GATB: variants seen among roughly 807,000 people sequenced by gnomAD.
The protein encoded by GATB is glutamyl-tRNA(Gln) amidotransferase subunit B, mitochondrial.
In GATB, 39 loss-of-function variants were observed where a neutral mutation model predicts 62.3. That is an observed-to-expected ratio of 0.63 (90% CI 0.48 to 0.82). The LOEUF (loss-of-function observed/expected upper bound fraction) is 0.82. Ranked by LOEUF, GATB falls within the 40% of genes least tolerant of loss-of-function variation. GATB has a pLI of 0.00. For missense variants in GATB, 670 were observed against 684.0 expected, an observed-to-expected ratio of 0.98 and a Z score of 0.23; for synonymous variants, 276 against 258.9, an observed-to-expected ratio of 1.07 and a Z score of -0.63.
intron 12 of GATB, 151 bp from the exon 13 acceptor site, chr4:151,671,453 G>GC: frequency 1.4e-6 from 1 of 728,054 alleles, no homozygotes; most frequent in Non-Finnish European, 2.2e-6. Context: ...AAGGGGAGGG[G>GC]CCTCACTTCT....
chr4:151,717,919 G>A (rs141809463), intron 3 of GATB, among the ~76,000 whole-genome samples: 1,712 of 152,280 alleles, frequency 0.011, 11 homozygotes, highest in Non-Finnish European at 0.018. Context: ...GGAACAAGGC[G>A]TGGAGGGATT....
intron 5 of GATB, among the ~76,000 whole-genome samples, chr4:151,712,965 G>A (rs558060998): frequency 1.3e-5 from 2 of 152,300 alleles, no homozygotes; most frequent in East Asian, 3.9e-4. Context: ...AGAGAGACAA[G>A]CTTCATCTGT....
intron 9 of GATB, among the ~76,000 whole-genome samples, chr4:151,695,581 A>C (rs1203967754): frequency 6.6e-6 from 1 of 152,004 alleles, no homozygotes; most frequent in East Asian, 1.9e-4. Context: ...CCCACCGACG[A>C]GCTTCAGATC....
At chr4:151,759,782 G>A (rs535000836) in intron 1 of GATB, among the ~76,000 whole-genome samples, 1 of 151,600 alleles carries the variant, frequency 6.6e-6, no homozygotes, top group East Asian at 1.9e-4. Context: ...AAGTAATTTT[G>A]TGTATATACA....
intron 4 of GATB, 73 bp from the exon 5 acceptor site, chr4:151,716,204 T>G: frequency 6.5e-7 from 1 of 1,537,796 alleles, no homozygotes; most frequent in South Asian, 1.3e-5. Flanking sequence ...GGCCTAAGTT[T>G]CAGGAAAACC....
intron 1 of GATB, among the ~76,000 whole-genome samples, chr4:151,760,151 T>C (rs368534592): frequency 6.6e-6 from 1 of 152,136 alleles, no homozygotes; most frequent in African/African-American, 2.4e-5. Context: ...ATAAACAAAA[T>C]ATTAGAAACT....
intron 2 of GATB, among the ~76,000 whole-genome samples, chr4:151,746,461 C>T (rs1739595578): frequency 1.3e-5 from 2 of 152,118 alleles, no homozygotes; most frequent in Admixed American, 1.3e-4. Flanking sequence ...ACCTAAGATC[C>T]TGTCTATAGA....
At chr4:151,750,317 GCTGTCT>G (rs1560866682) in intron 2 of GATB, among the ~76,000 whole-genome samples, 1 of 152,192 alleles carries the variant, frequency 6.6e-6, no homozygotes, top group African/African-American at 2.4e-5. Context: ...AGATCTTTGA[GCTGTCT>G]CGTTTGGTAT....
chr4:151,688,718 T>C lies in GATB; in HGVS notation c.1243A>G (p.Thr415Ala). The change falls in exon 10 of 13, where the codon ACT becomes GCT. Residue 415 changes from threonine (T) to alanine (A), a missense_variant. By Grantham distance (58) the Thr-to-Ala change is moderately conservative. Coordinates refer to ENST00000263985, the MANE Select transcript of GATB (RefSeq NM_004564.3). The stretch of plus-strand genomic sequence containing the variant: ...GTCACCTTTTTTGGCTCTGCCCTAG[T>C]TTCTTTTATCACATTTTGGAAGAAC... ...LEFFQNVIKETRAEPKKVTSW... is the reference protein window; with the variant it reads ...LEFFQNVIKEARAEPKKVTSW... 6.2e-7 allele frequency: 1 copy of C among 1,612,692 alleles called. No individual in the cohort carries two copies.
chr4:151,748,471 G>A (rs1739648895), intron 2 of GATB, among the ~76,000 whole-genome samples: 1 of 152,200 alleles, frequency 6.6e-6, no homozygotes, highest in Admixed American at 6.5e-5. Flanking sequence ...GTAGAAAGCT[G>A]AAACTGGATC....
At chr4:151,742,951 A>G (rs1252988086) in intron 2 of GATB, among the ~76,000 whole-genome samples, 3 of 152,254 alleles carry the variant, frequency 2.0e-5, no homozygotes, top group African/African-American at 7.2e-5. Context: ...AGAAATAAAG[A>G]ACTGAATACA....
At chr4:151,701,090 A>G (rs1738591815) in intron 9 of GATB, among the ~76,000 whole-genome samples, 1 of 152,248 alleles carries the variant, frequency 6.6e-6, no homozygotes, top group South Asian at 2.1e-4. Context: ...ATTTCTACAC[A>G]GAAGAAATGA....
intron 9 of GATB, among the ~76,000 whole-genome samples, chr4:151,694,950 T>C (rs1445393211): frequency 2.0e-5 from 3 of 152,218 alleles, no homozygotes; most frequent in Non-Finnish European, 4.4e-5. Context: ...TTCCATGATG[T>C]CAGAAACAAA....
chr4:151,756,658 C>G (rs1739836521), intron 2 of GATB, among the ~76,000 whole-genome samples: 1 of 152,196 alleles, frequency 6.6e-6, no homozygotes, highest in African/African-American at 2.4e-5. Context: ...AAGCCAAGCT[C>G]TCAACACTCA....
At chr4:151,698,807 A>C (rs1156398982) in intron 9 of GATB, among the ~76,000 whole-genome samples, 2 of 152,172 alleles carry the variant, frequency 1.3e-5, no homozygotes, top group Non-Finnish European at 2.9e-5. Flanking sequence ...CATTATCTGC[A>C]AGCCATAAAA....
chr4:151,689,797 A>G (rs10009423), intron 9 of GATB, among the ~76,000 whole-genome samples: 22,341 of 152,168 alleles, frequency 0.15, 1,940 homozygotes, highest in African/African-American at 0.25. Context: ...AACTGCCACA[A>G]CTATGCATAC....
intron 2 of GATB, among the ~76,000 whole-genome samples, chr4:151,746,826 C>G (rs1232543763): frequency 1.3e-5 from 2 of 152,058 alleles, no homozygotes; most frequent in Non-Finnish European, 2.9e-5. Context: ...AGGCAGGAGG[C>G]AGAAATGAAG....
chr4:151,708,769 G>A (rs905038083), intron 5 of GATB, among the ~76,000 whole-genome samples: 3 of 152,192 alleles, frequency 2.0e-5, no homozygotes, highest in Admixed American at 6.5e-5. Context: ...GGAGTCTGTG[G>A]TGGGACTCAG....
chr4:151,693,884 G>C (rs1738417915), intron 9 of GATB, among the ~76,000 whole-genome samples: 1 of 152,172 alleles, frequency 6.6e-6, no homozygotes, highest in African/African-American at 2.4e-5. Flanking sequence ...GTAACTCCAG[G>C]GGAGATGCTG....
Sources: gnomAD v4.1 joint callset for allele counts (sites outside exome capture counted in the v4.1 genomes callset) on GRCh38, gnomAD v4.1.1 for gene constraint, MANE v1.5 for transcripts, NCBI Gene and HGNC (gene_info 2026-07-23, HGNC 2026-07-21) for gene names.